The following ESYT2 variants were observed in gnomAD, a reference collection of about 807,000 sequenced individuals.
The protein encoded by ESYT2 is extended synaptotagmin 2.
A neutral mutation model predicts 107.2 loss-of-function variants in ESYT2; 54 were observed. The observed-to-expected ratio is 0.50, with a 90% CI of 0.40 to 0.63. The LOEUF (loss-of-function observed/expected upper bound fraction) is 0.63, where lower values mean the gene tolerates loss of function less well. ESYT2 is among the 30% of genes least tolerant of loss of function. The pLI is 0.00. For synonymous variants in ESYT2, 491 were observed against 434.1 expected, an observed-to-expected ratio of 1.13 and a Z score of -1.63; for missense variants, 1,020 against 1,094.5, an observed-to-expected ratio of 0.93 and a Z score of 0.96.
intron 19 of ESYT2, among the ~76,000 whole-genome samples, chr7:158,738,344 G>GAAT (rs1837052920): frequency 7.6e-6 from 1 of 131,312 alleles, no homozygotes; most frequent in African/African-American, 3.0e-5. Flanking sequence ...CACACACACA[G>GAAT]ACACACACAC....
intron 10 of ESYT2, 145 bp downstream of exon 10, chr7:158,762,938 C>A: frequency 1.9e-6 from 1 of 515,624 alleles, no homozygotes; most frequent in Non-Finnish European, 3.4e-6. Context: ...TTTAAGAAAT[C>A]CAAGGTGAAA....
intron 4 of ESYT2, among the ~76,000 whole-genome samples, chr7:158,789,411 C>T (rs1050726637): frequency 6.6e-6 from 1 of 151,992 alleles, no homozygotes; most frequent in Non-Finnish European, 1.5e-5. Context: ...GGCTGGAGTA[C>T]AGTGGTGCAA....
chr7:158,814,644 A>G (rs1251726329), intron 1 of ESYT2, among the ~76,000 whole-genome samples: 1 of 152,200 alleles, frequency 6.6e-6, no homozygotes, highest in Non-Finnish European at 1.5e-5. Context: ...ACTGGCTAAC[A>G]AGGTGGTGGC....
chr7:158,818,665 T>A (rs780335776), intron 1 of ESYT2, among the ~76,000 whole-genome samples: 1 of 152,230 alleles, frequency 6.6e-6, no homozygotes, highest in Non-Finnish European at 1.5e-5. Flanking sequence ...TCCAGTGTGT[T>A]CACTGGCCTC....
At position 158,788,080 on chromosome 7, in the gene ESYT2, A is replaced by G. The variant is rs1294298265; in HGVS notation, c.671T>C (p.Met224Thr). 3 of 1,614,048 alleles carry G rather than the reference A, an allele frequency of 1.9e-6. No homozygotes were observed. The highest frequency in any genetic ancestry group is 2.2e-5 in the East Asian group (1 of 44,880). ...AATCAACGGTTCCAGGATCACCCGC[A>G]TGGTACCATGAATCTAAACTCAAAC... ...GVKSIQIHGTMRVILEPLIGD... is the reference protein window; with the variant it reads ...GVKSIQIHGTTRVILEPLIGD... Residue 224 changes from methionine (M) to threonine (T), a missense_variant, in exon 6 of 23, where the codon ATG (methionine) becomes ACG (threonine). Transcript: ENST00000275418.
intron 17 of ESYT2, among the ~76,000 whole-genome samples, chr7:158,742,757 C>A (rs897839150): frequency 2.0e-5 from 3 of 152,212 alleles, no homozygotes; most frequent in Non-Finnish European, 4.4e-5. Flanking sequence ...TAGGAAATAA[C>A]GCTGCGGTGA....
At chr7:158,795,309 C>A (rs1240086853) in intron 3 of ESYT2, among the ~76,000 whole-genome samples, 1 of 152,238 alleles carries the variant, frequency 6.6e-6, no homozygotes, top group Non-Finnish European at 1.5e-5. Flanking sequence ...CCTCTTAATA[C>A]TCTTGCTATT....
At chr7:158,766,838 C>G (rs970009115) in intron 8 of ESYT2, among the ~76,000 whole-genome samples, 1 of 152,220 alleles carries the variant, frequency 6.6e-6, no homozygotes, top group Non-Finnish European at 1.5e-5. Flanking sequence ...AAAGTCCAGA[C>G]AGACTTAAAC....
chr7:158,751,359 T>G (rs1383180349), intron 14 of ESYT2, among the ~76,000 whole-genome samples: 1 of 152,210 alleles, frequency 6.6e-6, no homozygotes, highest in East Asian at 1.9e-4. Context: ...ATGTTTTCAA[T>G]CCTATGAAAT....
intron 1 of ESYT2, among the ~76,000 whole-genome samples, chr7:158,828,086 C>T (rs1289230111): frequency 1.3e-5 from 2 of 152,132 alleles, no homozygotes; most frequent in African/African-American, 2.4e-5. Context: ...AGGTCGATCC[C>T]ATATAAAAAT....
intron 13 of ESYT2, among the ~76,000 whole-genome samples, chr7:158,756,914 TAAAAAA>T (rs201326042): frequency 7.1e-5 from 7 of 98,804 alleles, no homozygotes; most frequent in East Asian, 3.0e-4. Context: ...CATCTCAAAT[TAAAAAA>T]AAAAAAAAAA....
At position 158,739,007 on chromosome 7, in the gene ESYT2, G is replaced by A. The variant is rs1460678454; in HGVS notation, c.2267+16C>T. ...TCAGCAGCACAGCAGCGGGCGCGTG[G>A]GACCCCAGCCCCCACCTGCAGGCAT... On this transcript the variant is annotated intron_variant, in intron 19 of 22. Transcript: ENST00000275418. 1 of 1,613,044 alleles carries A rather than the reference G, an allele frequency of 6.2e-7. No individual in the cohort carries two copies. Among genetic ancestry groups the A allele is most frequent in the Non-Finnish European group, 8.5e-7 (1 of 1,179,356 alleles).
intron 16 of ESYT2, among the ~76,000 whole-genome samples, chr7:158,745,385 GAA>G (rs1460664034): frequency 6.6e-6 from 1 of 152,208 alleles, no homozygotes; most frequent in Admixed American, 6.5e-5. Context: ...AGAGGCTGAG[GAA>G]AAAAACATAA....
At chr7:158,772,272 C>T (rs571276935) in intron 7 of ESYT2, among the ~76,000 whole-genome samples, 3 of 152,258 alleles carry the variant, frequency 2.0e-5, no homozygotes, top group African/African-American at 7.2e-5. Flanking sequence ...CAGCATTTTT[C>T]TGCATCCAGT....
chr7:158,743,097 C>CA (rs1210863062), intron 17 of ESYT2, among the ~76,000 whole-genome samples: 1 of 152,160 alleles, frequency 6.6e-6, no homozygotes, highest in Non-Finnish European at 1.5e-5. Context: ...TGATTTTGGA[C>CA]AAAAAATATT....
chr7:158,788,171 A>C (rs1233100380), intron 5 of ESYT2, 78 bp from the exon 6 acceptor site: 5 of 1,303,314 alleles, frequency 3.8e-6, no homozygotes, highest in Non-Finnish European at 4.4e-6. Context: ...TTTGCATGCG[A>C]ATCTTAGTAA....
intron 6 of ESYT2, among the ~76,000 whole-genome samples, chr7:158,781,648 A>AG (rs202175723): frequency 2.0e-5 from 3 of 149,056 alleles, no homozygotes; most frequent in East Asian, 5.0e-4. Flanking sequence ...GAGGTGTGTG[A>AG]AAGAACAAGT....
chr7:158,749,268 G>A (rs1025028498), intron 15 of ESYT2, among the ~76,000 whole-genome samples: 3 of 151,866 alleles, frequency 2.0e-5, no homozygotes, highest in Admixed American at 6.6e-5. Context: ...CACCGCACCC[G>A]GCACCATGCC....
chr7:158,746,401 T>G (rs913520437), intron 16 of ESYT2, among the ~76,000 whole-genome samples: 17 of 151,592 alleles, frequency 1.1e-4, no homozygotes, highest in Admixed American at 1.1e-3. Flanking sequence ...TCCCAGCCAC[T>G]TGGGAGGCTG....
Sources: gnomAD v4.1 joint callset for allele counts (sites outside exome capture counted in the v4.1 genomes callset) on GRCh38, gnomAD v4.1.1 for gene constraint, MANE v1.5 for transcripts, NCBI Gene and HGNC (gene_info 2026-07-23, HGNC 2026-07-21) for gene names.